The following DAAM1 variants were observed in gnomAD, a reference collection of about 807,000 sequenced individuals.
DAAM1 encodes dishevelled associated activator of morphogenesis 1.
In DAAM1, 52 loss-of-function variants were observed where a neutral mutation model predicts 130.0. That is an observed-to-expected ratio of 0.40 (90% CI 0.32 to 0.50). DAAM1 has a LOEUF of 0.50. Among genes scored for constraint, DAAM1 ranks in the 20% least tolerant of loss-of-function variants. The pLI is 0.61. For synonymous variants in DAAM1, 452 were observed against 444.5 expected, an observed-to-expected ratio of 1.02 and a Z score of -0.21; for missense variants, 1,134 against 1,303.8, an observed-to-expected ratio of 0.87 and a Z score of 2.01.
Position 59,323,197 on chromosome 14 carries a change from A to G in DAAM1, c.746A>G (p.Lys249Arg), listed in dbSNP as rs1156588466. The G allele has an allele frequency of 9.3e-6, 15 of 1,610,742 alleles. No individual in the cohort carries two copies. The highest frequency in any genetic ancestry group is 2.7e-5 in the African/African-American group (2 of 74,840). The change falls in exon 6 of 25, where the codon AAG becomes AGG. Residue 249 changes from lysine (K) to arginine (R), a missense_variant. Lys to Arg is a conservative substitution (Grantham distance 26). Around this residue, in one of 3 missense-constraint regions of DAAM1, gnomAD observed 391 missense variants for 521.6 expected, o/e 0.75. Transcript: ENST00000360909. ...CTGCAGGCCATGCTGCACTACCAGA[A>G]GTATGCCAGCGAAAGGACCCGCTTT... ...KVLQAMLHYQ[K>R]YASERTRFQT... is the part of the protein sequence containing the mutation.
intron 1 of DAAM1, among the ~76,000 whole-genome samples, chr14:59,249,038 C>T (rs777683280): frequency 7.2e-5 from 11 of 152,304 alleles, no homozygotes; most frequent in Non-Finnish European, 1.2e-4. Flanking sequence ...CCGTCTGCCT[C>T]GGCCTCCGAA....
At position 59,349,359 on chromosome 14, in the gene DAAM1, G is replaced by C. The variant is rs17096143; in HGVS notation, c.2160+1736G>C. On this transcript the variant is annotated intron_variant, in intron 17 of 24. Coordinates refer to ENST00000360909, the MANE Select transcript of DAAM1 (RefSeq NM_001270520.2). The stretch of plus-strand genomic sequence containing the variant: ...CAAAATCTTGCCAAAAGGGCCTGCA[G>C]TGCAAATAGAGTGTGCTTCAAATAA... Among the ~76,000 whole-genome samples, 511 of 152,378 alleles carry C rather than the reference G, an allele frequency of 3.4e-3. 4 individuals carry two copies. Among genetic ancestry groups the C allele is most frequent in the African/African-American group, 0.012 (482 of 41,594 alleles).
intron 1 of DAAM1, among the ~76,000 whole-genome samples, chr14:59,215,718 C>T (rs1888556557): frequency 6.6e-6 from 1 of 152,148 alleles, no homozygotes. Flanking sequence ...TGTGTGACAG[C>T]CGCGGGGAGT....
intron 2 of DAAM1, among the ~76,000 whole-genome samples, chr14:59,275,892 A>G (rs748215145): frequency 6.6e-6 from 1 of 152,132 alleles, no homozygotes; most frequent in Non-Finnish European, 1.5e-5. Context: ...GGTGAGTCAT[A>G]TTGTGGTATT....
chr14:59,360,668 C>A, intron 21 of DAAM1, 134 bp from the exon 22 acceptor site: 2 of 594,804 alleles, frequency 3.4e-6, no homozygotes, highest in East Asian at 3.2e-5. Context: ...TCTTTGAGAT[C>A]TGAGCATGGA....
intron 2 of DAAM1, among the ~76,000 whole-genome samples, chr14:59,288,652 C>G (rs1186873538): frequency 6.6e-6 from 1 of 152,152 alleles, no homozygotes; most frequent in Non-Finnish European, 1.5e-5. Context: ...AAATGCTAAT[C>G]ACTGTACTAC....
intron 1 of DAAM1, among the ~76,000 whole-genome samples, chr14:59,216,978 C>A (rs1018116915): frequency 9.2e-5 from 14 of 152,058 alleles, no homozygotes; most frequent in African/African-American, 3.1e-4. Flanking sequence ...ACAATACCTC[C>A]CCAAACACCC....
Position 59,272,483 on chromosome 14 carries a change from C to A in DAAM1, c.183+8823C>A, listed in dbSNP as rs1040465096. Among the ~76,000 whole-genome samples, 4 of 151,902 alleles carry A rather than the reference C, an allele frequency of 2.6e-5. No individual in the cohort carries two copies. The East Asian group carries it at 7.7e-4, about 29-fold the overall frequency. On this transcript the variant is annotated intron_variant, in intron 2 of 24. Transcript: ENST00000360909. The stretch of plus-strand genomic sequence containing the variant: ...CCCAGCTACTTAGGAGGCTGAGGCA[C>A]GAGAGTCACTTGAACCTTGGGAGAT...
intron 1 of DAAM1, among the ~76,000 whole-genome samples, chr14:59,192,055 T>G (rs189723588): frequency 8.3e-4 from 126 of 152,132 alleles, no homozygotes; most frequent in Non-Finnish European, 1.0e-3. Context: ...GTGGGTCACA[T>G]CCTTGGGTGG....
At chr14:59,243,205 C>T (rs1452502842) in intron 1 of DAAM1, among the ~76,000 whole-genome samples, 1 of 152,114 alleles carries the variant, frequency 6.6e-6, no homozygotes, top group Non-Finnish European at 1.5e-5. Context: ...AGAGTCCAGG[C>T]AGTATCTGGT....
chr14:59,315,147 T>G, intron 3 of DAAM1, 133 bp from the exon 4 acceptor site: 1 of 827,728 alleles, frequency 1.2e-6, no homozygotes, highest in Non-Finnish European at 2.1e-6. Context: ...CATTTAAAAA[T>G]AAATACGTCA....
rs1226308087 is a variant in DAAM1 at position 59,370,130 on chromosome 14, CTG to C, written c.*1273_*1274del. The C allele has an allele frequency of 1.5e-5, 2 of 131,704 alleles. No homozygotes were observed. Among genetic ancestry groups the C allele is most frequent in the Non-Finnish European group, 3.1e-5 (2 of 63,850 alleles). The allele number at this position is 131,704 out of a possible 1,614,324, so 8.2% of individuals were successfully genotyped here. A position where few individuals can be genotyped will look rare whatever the true frequency, so the allele number is the denominator to read the frequency against. On this transcript the variant is annotated 3_prime_UTR_variant, in exon 25 of 25. Transcript: ENST00000360909. The stretch of plus-strand genomic sequence containing the variant: ...TAAATTATGTGATATATAAAGAGGA[CTG>C]TTACTTTTTTACTTTTTTTTTTTTT...
At chr14:59,297,020 T>G (rs959965393) in intron 3 of DAAM1, among the ~76,000 whole-genome samples, 6 of 152,160 alleles carry the variant, frequency 3.9e-5, no homozygotes, top group African/African-American at 1.4e-4. Flanking sequence ...GTGGATATGC[T>G]CCAGTGAAAC....
At chr14:59,336,498 A>G (rs994835265) in intron 15 of DAAM1, among the ~76,000 whole-genome samples, 4 of 152,226 alleles carry the variant, frequency 2.6e-5, no homozygotes, top group Non-Finnish European at 5.9e-5. Flanking sequence ...TGGAAGCATC[A>G]TTATTTCTAA....
Position 59,225,997 on chromosome 14 carries a change from A to G in DAAM1, c.-38+37229A>G, listed in dbSNP as rs554400845. Among the ~76,000 whole-genome samples the G allele has an allele frequency of 3.3e-4, 51 of 152,310 alleles. 1 individual carries two copies. The highest frequency in any genetic ancestry group is 2.2e-3 in the Admixed American group (33 of 15,300). On this transcript the variant is annotated intron_variant, in intron 1 of 24. Coordinates refer to ENST00000360909, the MANE Select transcript of DAAM1 (RefSeq NM_001270520.2). ...CCCTACGACATTGGGGCAACTAAGAACAACTCTAAGGAGTCTAATGCAACA... is the reference window on the plus strand; with the variant it reads ...CCCTACGACATTGGGGCAACTAAGAGCAACTCTAAGGAGTCTAATGCAACA...
chr14:59,198,874 T>A (rs530312918), intron 1 of DAAM1, among the ~76,000 whole-genome samples: 3 of 152,244 alleles, frequency 2.0e-5, no homozygotes, highest in Non-Finnish European at 2.9e-5. Context: ...CTTTAAACTT[T>A]CCGGACCTCT....
At chr14:59,307,529 C>T (rs952457315) in intron 3 of DAAM1, among the ~76,000 whole-genome samples, 11 of 152,178 alleles carry the variant, frequency 7.2e-5, no homozygotes, top group African/African-American at 2.4e-4. Flanking sequence ...ACTGATTCTA[C>T]GTGATCTGAA....
intron 3 of DAAM1, among the ~76,000 whole-genome samples, chr14:59,310,827 T>C (rs1292907294): frequency 6.6e-6 from 1 of 152,218 alleles, no homozygotes; most frequent in Non-Finnish European, 1.5e-5. Flanking sequence ...TAGAGATTTA[T>C]GGCTTTAGCT....
At position 59,370,752 on chromosome 14, in the gene DAAM1, T is replaced by G. The variant is rs1476926200; in HGVS notation, c.*1893T>G. On this transcript the variant is annotated 3_prime_UTR_variant, in exon 25 of 25. Transcript: ENST00000360909. ...TTAAAGGTGCAGATAGAGACTTGGC[T>G]CAAAAAGGCTTGGAGATGAGGAAGA... is the stretch of plus-strand genomic sequence containing the variant. 6.6e-6 allele frequency: 1 copy of G among 152,144 alleles called. No homozygotes were observed. The highest frequency in any genetic ancestry group is 1.5e-5 in the Non-Finnish European group (1 of 68,010). The allele number at this position is 152,144 out of a possible 1,614,324, so 9.4% of individuals were successfully genotyped here.
Sources: allele counts gnomAD v4.1 joint callset (sites outside exome capture counted in the v4.1 genomes callset), GRCh38; gene constraint gnomAD v4.1.1; regional missense constraint gnomAD v4.1.1; transcripts MANE v1.5; gene names NCBI Gene and HGNC (gene_info 2026-07-23, HGNC 2026-07-21).